Variants in RELN observed in about 807,000 individuals in gnomAD.
RELN encodes the protein reelin.
A neutral mutation model predicts 427.6 loss-of-function variants in RELN; 108 were observed. That is an observed-to-expected ratio of 0.25 (90% CI 0.22 to 0.30). The LOEUF (loss-of-function observed/expected upper bound fraction) is 0.30, where lower values mean the gene tolerates loss of function less well. Among genes scored for constraint, RELN ranks in the 10% least tolerant of loss-of-function variants. The pLI is 1.00. For synonymous variants in RELN, 1,524 were observed against 1,513.4 expected, an observed-to-expected ratio of 1.01 and a Z score of -0.16; for missense variants, 3,715 against 4,302.8, an observed-to-expected ratio of 0.86 and a Z score of 3.82.
intron 8 of RELN, among the ~76,000 whole-genome samples, chr7:103,713,138 G>C (rs1789847616): frequency 6.6e-6 from 1 of 152,170 alleles, no homozygotes; most frequent in Non-Finnish European, 1.5e-5. Context: ...CCTCTAGATA[G>C]CATAGTGGGA....
chr7:103,929,415 A>T (rs1795813399), intron 1 of RELN, among the ~76,000 whole-genome samples: 2 of 152,188 alleles, frequency 1.3e-5, no homozygotes, highest in South Asian at 4.1e-4. Context: ...AGACTTTCCC[A>T]CCACCAAAGT....
chr7:103,616,830 T>G (rs2117302938), intron 20 of RELN, among the ~76,000 whole-genome samples: 1 of 152,324 alleles, frequency 6.6e-6, no homozygotes, highest in East Asian at 1.9e-4. Context: ...TTGTTTTCAC[T>G]TTTTACTATT....
intron 5 of RELN, among the ~76,000 whole-genome samples, chr7:103,750,787 A>T (rs1334285434): frequency 6.6e-6 from 1 of 152,232 alleles, no homozygotes; most frequent in Non-Finnish European, 1.5e-5. Flanking sequence ...CTATATAAGT[A>T]AAATTCCTAA....
chr7:103,542,923 G>C (rs746287362), intron 42 of RELN, 45 bp from the exon 43 acceptor site: 3 of 1,586,464 alleles, frequency 1.9e-6, no homozygotes. Context: ...CCCAACTATA[G>C]TGAGTTGTAT....
chr7:103,611,569 CAGA>C (rs756776149), intron 21 of RELN, 39 bp downstream of exon 21: 2 of 1,497,652 alleles, frequency 1.3e-6, no homozygotes, highest in East Asian at 4.6e-5. Flanking sequence ...AGGTAAAAGG[CAGA>C]AGGTTACCTG....
rs569906360 is a variant in RELN, at chr7:103,909,814, T to TAATATTA, written c.337+7260_337+7261insTAATATT. ...ATTAAATATATATTAATATATAATATTATATATAAAATATATATATTTAAT... is the reference window on the plus strand; with the variant it reads ...ATTAAATATATATTAATATATAATATAATATTATATATATAAAATATATATATTTAAT... On this transcript the variant is annotated intron_variant, in intron 2 of 64. Coordinates refer to ENST00000428762, the MANE Select transcript of RELN (RefSeq NM_005045.4). 1.6e-4 allele frequency among the ~76,000 whole-genome samples: 7 copies of TAATATTA among 44,934 alleles called. No homozygotes were observed. The East Asian group carries it at 4.9e-3, about 31-fold the overall frequency. 29.5% of individuals were successfully genotyped at this position (44,934 alleles called of 152,430 possible). A position where few individuals can be genotyped will look rare whatever the true frequency, so the allele number is the denominator to read the frequency against.
intron 10 of RELN, among the ~76,000 whole-genome samples, chr7:103,685,207 G>A (rs1027339165): frequency 1.3e-5 from 2 of 152,108 alleles, no homozygotes; most frequent in Admixed American, 6.6e-5. Context: ...TTCATTGAAA[G>A]TATGAAAAGA....
chr7:103,766,503 G>C (rs996818569), intron 4 of RELN, among the ~76,000 whole-genome samples: 3 of 152,084 alleles, frequency 2.0e-5, no homozygotes, highest in African/African-American at 7.2e-5. Context: ...AGAAGATTTT[G>C]GTAGATCTGA....
chr7:103,490,617 C>G, intron 59 of RELN, 51 bp downstream of exon 59: 1 of 1,590,876 alleles, frequency 6.3e-7, no homozygotes, highest in Non-Finnish European at 8.6e-7. Flanking sequence ...TGCATGAACT[C>G]TGTAGAGAGG....
intron 2 of RELN, among the ~76,000 whole-genome samples, chr7:103,860,769 T>C (rs1182550067): frequency 6.6e-6 from 1 of 152,104 alleles, no homozygotes; most frequent in African/African-American, 2.4e-5. Context: ...AACTAAAACT[T>C]AGCAATGTAT....
chr7:103,552,281 T>C (rs1156692130), intron 40 of RELN, among the ~76,000 whole-genome samples: 1 of 152,174 alleles, frequency 6.6e-6, no homozygotes, highest in Non-Finnish European at 1.5e-5. Flanking sequence ...CCAATTGAGA[T>C]GAACATTTTC....
intron 2 of RELN, among the ~76,000 whole-genome samples, chr7:103,874,122 T>C (rs993770024): frequency 3.9e-4 from 56 of 142,810 alleles, no homozygotes; most frequent in African/African-American, 1.3e-3. Flanking sequence ...ATTATCTCAA[T>C]AGATGCAGAA....
At chr7:103,490,877 T>C (rs755096852) in intron 58 of RELN, 48 bp from the exon 59 acceptor site, 7 of 1,581,322 alleles carry the variant, frequency 4.4e-6, no homozygotes, top group East Asian at 2.2e-5. Context: ...GAGAAACATA[T>C]AATCTGTTAA....
At chr7:103,763,548 A>C (rs147840751) in intron 4 of RELN, among the ~76,000 whole-genome samples, 285 of 152,362 alleles carry the variant, frequency 1.9e-3, no homozygotes, top group Non-Finnish European at 2.3e-3. Context: ...AGGAGGAGAC[A>C]CTTGAACTGG....
intron 2 of RELN, among the ~76,000 whole-genome samples, chr7:103,889,565 G>A (rs1042099878): frequency 6.6e-6 from 1 of 152,048 alleles, no homozygotes; most frequent in South Asian, 2.1e-4. Flanking sequence ...TGATACAAAC[G>A]GGCTTAGATG....
intron 3 of RELN, among the ~76,000 whole-genome samples, chr7:103,830,022 TC>T (rs1332832798): frequency 8.5e-6 from 1 of 117,832 alleles, no homozygotes; most frequent in Non-Finnish European, 2.0e-5. Context: ...CTGGGTTTCT[TC>T]CAATATAATG....
chr7:103,577,692 C>A (rs751110579), intron 28 of RELN, among the ~76,000 whole-genome samples: 1 of 152,076 alleles, frequency 6.6e-6, no homozygotes, highest in African/African-American at 2.4e-5. Context: ...TTAATGTACA[C>A]CAGCATTTGT....
chr7:103,801,711 C>G (rs1584251652), intron 3 of RELN, among the ~76,000 whole-genome samples: 1 of 147,338 alleles, frequency 6.8e-6, no homozygotes, highest in East Asian at 2.0e-4. Context: ...CACATGTACC[C>G]TAGAACTTAA....
At chr7:103,955,232 C>A (rs1796409752) in intron 1 of RELN, among the ~76,000 whole-genome samples, 1 of 152,114 alleles carries the variant, frequency 6.6e-6, no homozygotes, top group African/African-American at 2.4e-5. Context: ...TTTTCTGGAC[C>A]CCAATTTAAT....
Sources: gnomAD v4.1 joint callset for allele counts (sites outside exome capture counted in the v4.1 genomes callset) on GRCh38, gnomAD v4.1.1 for gene constraint, MANE v1.5 for transcripts, NCBI Gene and HGNC (gene_info 2026-07-23, HGNC 2026-07-21) for gene names.